The following UBR3 variants were observed in gnomAD, a reference collection of about 807,000 sequenced individuals.
UBR3 encodes ubiquitin protein ligase E3 component n-recognin 3.
Under a neutral mutation model 243.2 loss-of-function variants are expected in UBR3, and 85 were observed. That is an observed-to-expected ratio of 0.35 (90% CI 0.29 to 0.42). UBR3 has a LOEUF of 0.42. Among genes scored for constraint, UBR3 ranks in the 10% least tolerant of loss-of-function variants. UBR3 has a pLI of 1.00. For missense variants in UBR3, 1,686 were observed against 2,300.8 expected (o/e 0.73, Z 5.47); for synonymous variants, 748 against 799.8 (o/e 0.94, Z 1.09).
At chr2:170,024,540 ATGTGTGTG>A (rs560266901) in intron 30 of UBR3, among the ~76,000 whole-genome samples, 2 of 151,332 alleles carry the variant, frequency 1.3e-5, no homozygotes, top group African/African-American at 4.8e-5. Flanking sequence ...ATCTGTGTGC[ATGTGTGTG>A]TGTGTGGTAT....
intron 30 of UBR3, among the ~76,000 whole-genome samples, chr2:170,023,003 G>A (rs2090432950): frequency 6.6e-6 from 1 of 152,146 alleles, no homozygotes; most frequent in African/African-American, 2.4e-5. Context: ...TGTGAGAGGT[G>A]TATACTCACA....
chr2:169,835,383 AAAAC>A (rs1217508646), intron 1 of UBR3, among the ~76,000 whole-genome samples: 2 of 152,084 alleles, frequency 1.3e-5, no homozygotes, highest in Non-Finnish European at 2.9e-5. Context: ...AAGAAAGCAA[AAAAC>A]AAACAACTCC....
At chr2:169,980,104 C>T (rs527526810) in intron 24 of UBR3, among the ~76,000 whole-genome samples, 1 of 152,238 alleles carries the variant, frequency 6.6e-6, no homozygotes, top group South Asian at 2.1e-4. Context: ...AAAGTTTCCC[C>T]ATGGCATCAT....
intron 5 of UBR3, among the ~76,000 whole-genome samples, chr2:169,888,125 A>C (rs1335326899): frequency 3.0e-4 from 42 of 140,222 alleles, no homozygotes; most frequent in African/African-American, 1.0e-3. Context: ...TTATTTATTT[A>C]TTTATTTATT....
At chr2:169,971,642 G>T (rs531183604) in intron 24 of UBR3, among the ~76,000 whole-genome samples, 6,509 of 152,130 alleles carry the variant, frequency 0.043, 153 homozygotes, top group Middle Eastern at 0.058. Context: ...TTGTAGATAT[G>T]CAGCGTTGTT....
In UBR3 at chr2:169,835,993, G is replaced by GTCCCCCTCTCTCTCTC. The variant is rs1194152380; in HGVS notation, c.545+7943_545+7944insCCCCTCTCTCTCTCTC. On this transcript the variant is annotated intron_variant, in intron 1 of 38. Transcript: ENST00000272793. The stretch of plus-strand genomic sequence containing the variant: ...TTTTCCTGAAATTCCTGTGTGCACT[G>GTCCCCCTCTCTCTCTC]TCTCTCTCTCTCTCTCTCTCTCTCT... 2.6e-4 allele frequency among the ~76,000 whole-genome samples: 8 copies of GTCCCCCTCTCTCTCTC among 30,730 alleles called. 1 individual carries two copies. The highest frequency in any genetic ancestry group is 7.6e-4 in the African/African-American group (7 of 9,202). The allele number at this position is 30,730 out of a possible 152,430, so 20.2% of individuals were successfully genotyped here. A position where few individuals can be genotyped will look rare whatever the true frequency, so the allele number is the denominator to read the frequency against.
At chr2:169,867,555 G>A (rs960399934) in intron 1 of UBR3, among the ~76,000 whole-genome samples, 2 of 152,166 alleles carry the variant, frequency 1.3e-5, no homozygotes, top group Admixed American at 6.5e-5. Flanking sequence ...TGCTAAGCTT[G>A]TGTTACGAAC....
chr2:170,067,427 T>C (rs921245735), intron 35 of UBR3, among the ~76,000 whole-genome samples: 1 of 152,174 alleles, frequency 6.6e-6, no homozygotes, highest in Non-Finnish European at 1.5e-5. Flanking sequence ...ATTTGGAGAC[T>C]TCAGTGTGCC....
intron 24 of UBR3, among the ~76,000 whole-genome samples, chr2:169,985,622 T>C (rs2088966705): frequency 6.6e-6 from 1 of 152,174 alleles, no homozygotes; most frequent in Non-Finnish European, 1.5e-5. Flanking sequence ...GACATTGTGA[T>C]TTTTGGTTTG....
chr2:169,861,477 G>A (rs73024464), intron 1 of UBR3, among the ~76,000 whole-genome samples: 6,631 of 151,918 alleles, frequency 0.044, 167 homozygotes, highest in Middle Eastern at 0.068. Flanking sequence ...GTGTAGTGGC[G>A]GCGCCTGTAA....
intron 23 of UBR3, among the ~76,000 whole-genome samples, chr2:169,958,169 AT>A (rs1366313031): frequency 1.3e-5 from 2 of 152,214 alleles, no homozygotes; most frequent in Non-Finnish European, 2.9e-5. Flanking sequence ...AAATCCAAAT[AT>A]TCTATCTACC....
intron 1 of UBR3, among the ~76,000 whole-genome samples, chr2:169,855,877 G>T (rs190188759): frequency 6.6e-6 from 1 of 152,208 alleles, no homozygotes; most frequent in Non-Finnish European, 1.5e-5. Context: ...CCTCCCAGAC[G>T]GGGTGGCGGC....
intron 21 of UBR3, 148 bp downstream of exon 21, chr2:169,946,540 A>G (rs1054757978): frequency 9.6e-5 from 38 of 395,146 alleles, no homozygotes; most frequent in Non-Finnish European, 1.6e-4. Flanking sequence ...AGGTGTATTT[A>G]TGTTTTCATC....
intron 35 of UBR3, among the ~76,000 whole-genome samples, chr2:170,069,702 A>G (rs1310715573): frequency 6.7e-6 from 1 of 148,400 alleles, no homozygotes; most frequent in African/African-American, 2.5e-5. Flanking sequence ...CATTTAACAT[A>G]ATGTCCTTCA....
At chr2:170,022,328 G>A (rs1159945507) in intron 30 of UBR3, among the ~76,000 whole-genome samples, 1 of 152,086 alleles carries the variant, frequency 6.6e-6, no homozygotes, top group African/African-American at 2.4e-5. Flanking sequence ...AGGCAGGAGA[G>A]GAACACAACA....
At chr2:170,064,092 T>C (rs2091505618) in intron 35 of UBR3, among the ~76,000 whole-genome samples, 1 of 152,258 alleles carries the variant, frequency 6.6e-6, no homozygotes, top group African/African-American at 2.4e-5. Flanking sequence ...TTTGTATTTC[T>C]CTAATTATAA....
rs1474903662 is a variant in UBR3, at chr2:169,836,029, CTCTCTCTCTCTCTCTATATATA to C, written c.545+7979_545+8000del. On this transcript the variant is annotated intron_variant, in intron 1 of 38. Transcript: ENST00000272793. Reference sequence around the variant, plus strand: ...TCTCTCTCTCTCTCTCTCTCTCTCTCTCTCTCTCTCTCTCTATATATATATATATATATATATATTTTTTTTT... The same window carrying C: ...TCTCTCTCTCTCTCTCTCTCTCTCTCTATATATATATATATATTTTTTTTT... 6.0e-4 allele frequency among the ~76,000 whole-genome samples: 16 copies of C among 26,760 alleles called. 1 individual carries two copies. Among genetic ancestry groups the C allele is most frequent in the South Asian group, 4.3e-3 (3 of 690 alleles). 17.6% of individuals were successfully genotyped at this position (26,760 alleles called of 152,430 possible). A position where few individuals can be genotyped will look rare whatever the true frequency, so the allele number is the denominator to read the frequency against.
chr2:169,827,945 C>T lies in UBR3; in HGVS notation c.438C>T (p.Ala146=). The T allele has an allele frequency of 1.4e-6, 2 of 1,480,940 alleles. No individual in the cohort carries two copies. The allele number at this position is 1,480,940 out of a possible 1,614,324, so 91.7% of individuals were successfully genotyped here. A position where few individuals can be genotyped will look rare whatever the true frequency, so the allele number is the denominator to read the frequency against. The change falls in exon 1 of 39, where the codon GCC becomes GCT. Residue 146 remains alanine (A), a synonymous_variant. Coordinates refer to ENST00000272793, the MANE Select transcript of UBR3 (RefSeq NM_172070.4). Reference sequence around the variant, plus strand: ...TCTCGCCCTGCATGTCGCTGTGCGCCGAGTGCTTCCACCAGGGCGACCACA... The same window carrying T: ...TCTCGCCCTGCATGTCGCTGTGCGCTGAGTGCTTCCACCAGGGCGACCACA... The part of the protein sequence containing the change: ...CGISPCMSLC[A]ECFHQGDHTG...
chr2:169,878,297 G>A (rs2083690134), intron 4 of UBR3, among the ~76,000 whole-genome samples: 1 of 150,932 alleles, frequency 6.6e-6, no homozygotes. Flanking sequence ...AGAAGTGGAG[G>A]TTGCAGTGAG....
Sources: gnomAD v4.1 joint callset for allele counts (sites outside exome capture counted in the v4.1 genomes callset) on GRCh38, gnomAD v4.1.1 for gene constraint, MANE v1.5 for transcripts, NCBI Gene and HGNC (gene_info 2026-07-23, HGNC 2026-07-21) for gene names.